The following CSMD1 variants were observed in gnomAD, a reference collection of about 807,000 sequenced individuals.
CSMD1 encodes the protein CUB and Sushi multiple domains 1.
In CSMD1, 213 loss-of-function variants were observed where a neutral mutation model predicts 417.5. The observed-to-expected ratio is 0.51, with a 90% CI of 0.46 to 0.57. The LOEUF is 0.57. Ranked by LOEUF, CSMD1 falls within the 20% of genes least tolerant of loss-of-function variation. The pLI, the probability that CSMD1 is intolerant of heterozygous loss-of-function variation, is 0.00. For synonymous variants in CSMD1, 2,862 were observed against 1,736.8 expected, an observed-to-expected ratio of 1.65 and a Z score of -16.11; for missense variants, 6,923 against 4,529.7, an observed-to-expected ratio of 1.53 and a Z score of -15.17.
intron 3 of CSMD1, among the ~76,000 whole-genome samples, chr8:4,106,193 G>A (rs902418039): frequency 6.6e-6 from 1 of 152,164 alleles, no homozygotes; most frequent in Admixed American, 6.5e-5. Context: ...GACACCCGGA[G>A]ATCTATGAGA....
At chr8:4,108,448 G>T (rs1247280687) in intron 3 of CSMD1, among the ~76,000 whole-genome samples, 2 of 152,146 alleles carry the variant, frequency 1.3e-5, no homozygotes, top group African/African-American at 2.4e-5. Flanking sequence ...ATTTGCTCAT[G>T]AAGGGCTCTG....
intron 30 of CSMD1, among the ~76,000 whole-genome samples, chr8:3,211,892 G>T (rs1377429782): frequency 6.6e-6 from 1 of 152,170 alleles, no homozygotes; most frequent in Non-Finnish European, 1.5e-5. Context: ...AGGATATGAG[G>T]GGCACCCAGG....
At chr8:4,322,715 G>T (rs1020017782) in intron 3 of CSMD1, among the ~76,000 whole-genome samples, 6 of 152,176 alleles carry the variant, frequency 3.9e-5, no homozygotes, top group Non-Finnish European at 7.3e-5. Flanking sequence ...TGCAGTAGGG[G>T]CCAGGCACGG....
At chr8:3,612,735 T>G (rs1011954783) in intron 8 of CSMD1, among the ~76,000 whole-genome samples, 1 of 151,842 alleles carries the variant, frequency 6.6e-6, no homozygotes, top group Non-Finnish European at 1.5e-5. Flanking sequence ...TGCAGGAAAA[T>G]GAAAACACAG....
intron 3 of CSMD1, among the ~76,000 whole-genome samples, chr8:4,236,021 A>C (rs576189699): frequency 3.4e-4 from 14 of 41,116 alleles, no homozygotes; most frequent in South Asian, 1.6e-3. Context: ...AGGTTAATGG[A>C]TATTGTTTTT....
intron 1 of CSMD1, among the ~76,000 whole-genome samples, chr8:4,693,802 G>C (rs1210321740): frequency 6.6e-6 from 1 of 152,230 alleles, no homozygotes; most frequent in Non-Finnish European, 1.5e-5. Context: ...TCAGCCTCCT[G>C]AGTAGCTGGG....
intron 3 of CSMD1, among the ~76,000 whole-genome samples, chr8:4,083,021 A>G (rs926277505): frequency 2.0e-5 from 3 of 151,794 alleles, no homozygotes; most frequent in East Asian, 1.9e-4. Context: ...TCATTGTTGG[A>G]CATTTGGGTT....
Position 3,905,134 on chromosome 8 carries a change from GA to G in CSMD1, c.818+92768del, listed in dbSNP as rs1362599017. The stretch of plus-strand genomic sequence containing the variant: ...TTTAATATTTTCCAAGAAATTCAGA[GA>G]GAATCCTTCCATTTAAAGAATGATT... On this transcript the variant is annotated intron_variant, in intron 5 of 69. Coordinates refer to ENST00000635120, the MANE Select transcript of CSMD1 (RefSeq NM_033225.6). Among the ~76,000 whole-genome samples the G allele has an allele frequency of 5.3e-5, 8 of 152,154 alleles. No homozygotes were observed. In the South Asian group the frequency reaches 1.0e-3, roughly 20 times the overall value.
chr8:3,668,730 G>C (rs1220794312), intron 7 of CSMD1, among the ~76,000 whole-genome samples: 2 of 152,210 alleles, frequency 1.3e-5, no homozygotes, highest in Admixed American at 6.5e-5. Flanking sequence ...GGGAGCTCAG[G>C]AGGGGCCAAC....
At chr8:3,050,601 A>T (rs1811757848) in intron 50 of CSMD1, among the ~76,000 whole-genome samples, 1 of 152,218 alleles carries the variant, frequency 6.6e-6, no homozygotes, top group Non-Finnish European at 1.5e-5. Context: ...TTGCTATCCT[A>T]GCCTCCCATA....
intron 3 of CSMD1, among the ~76,000 whole-genome samples, chr8:4,061,623 C>T (rs1472575581): frequency 6.6e-6 from 1 of 152,182 alleles, no homozygotes; most frequent in African/African-American, 2.4e-5. Context: ...GTTTACCAGA[C>T]AGATTCTGCA....
intron 1 of CSMD1, among the ~76,000 whole-genome samples, chr8:4,854,324 A>G (rs1398920792): frequency 6.6e-6 from 1 of 152,184 alleles, no homozygotes; most frequent in African/African-American, 2.4e-5. Flanking sequence ...CAGATCCCTC[A>G]TAAATGGCTT....
intron 49 of CSMD1, among the ~76,000 whole-genome samples, chr8:3,081,756 C>T (rs1814117693): frequency 6.6e-6 from 1 of 152,110 alleles, no homozygotes; most frequent in Non-Finnish European, 1.5e-5. Context: ...TTATTCATTT[C>T]GATTGGTCCT....
intron 3 of CSMD1, among the ~76,000 whole-genome samples, chr8:4,224,399 G>A (rs529283580): frequency 6.6e-6 from 1 of 152,250 alleles, no homozygotes; most frequent in South Asian, 2.1e-4. Context: ...TTCAACTTCA[G>A]AAAGTCATAT....
intron 68 of CSMD1, among the ~76,000 whole-genome samples, chr8:2,943,801 G>C (rs1254609847): frequency 1.3e-5 from 2 of 152,174 alleles, no homozygotes; most frequent in Admixed American, 6.5e-5. Context: ...ATCATGATTG[G>C]CGTCATCTCA....
At chr8:3,642,998 A>G (rs1252886827) in intron 7 of CSMD1, among the ~76,000 whole-genome samples, 2 of 152,140 alleles carry the variant, frequency 1.3e-5, no homozygotes, top group Non-Finnish European at 2.9e-5. Flanking sequence ...AATTAAAAAA[A>G]ATAGATGTAA....
rs1385419559 is a variant in CSMD1, at chr8:4,729,286, G to C, written c.86-91728C>G. Among the ~76,000 whole-genome samples the C allele has an allele frequency of 2.6e-5, 4 of 151,950 alleles. No homozygotes were observed. The East Asian group carries it at 5.8e-4, about 22-fold the overall frequency. On this transcript the variant is annotated intron_variant, in intron 1 of 69. Coordinates refer to ENST00000635120, the MANE Select transcript of CSMD1 (RefSeq NM_033225.6). Reference sequence around the variant, plus strand: ...GAATAAAAACCCGATCATTATATTCGGAAATGCAGTCATCGATGATCCACA... The same window carrying C: ...GAATAAAAACCCGATCATTATATTCCGAAATGCAGTCATCGATGATCCACA...
chr8:3,694,937 C>A (rs933972933), intron 7 of CSMD1, among the ~76,000 whole-genome samples: 1 of 151,896 alleles, frequency 6.6e-6, no homozygotes, highest in Admixed American at 6.6e-5. Context: ...GTGTAGCTTG[C>A]CAGTTCAGTA....
intron 2 of CSMD1, among the ~76,000 whole-genome samples, chr8:4,475,520 G>A (rs1371013927): frequency 6.6e-6 from 1 of 152,136 alleles, no homozygotes; most frequent in Non-Finnish European, 1.5e-5. Flanking sequence ...CATGGACTCA[G>A]AGATAACTAG....
Sources: allele counts gnomAD v4.1 joint callset (sites outside exome capture counted in the v4.1 genomes callset), GRCh38; gene constraint gnomAD v4.1.1; transcripts MANE v1.5; gene names NCBI Gene and HGNC (gene_info 2026-07-23, HGNC 2026-07-21).